Variants in NCAM2 observed in about 807,000 individuals in gnomAD.
NCAM2 encodes the protein neural cell adhesion molecule 2.
A neutral mutation model predicts 98.1 loss-of-function variants in NCAM2; 30 were observed. That is an observed-to-expected ratio of 0.31 (90% CI 0.23 to 0.41). The LOEUF is 0.41. Ranked by LOEUF, NCAM2 falls within the 10% of genes least tolerant of loss-of-function variation. The pLI is 1.00. For missense variants in NCAM2, 867 were observed against 1,005.8 expected, an observed-to-expected ratio of 0.86 and a Z score of 1.87; for synonymous variants, 368 against 342.4, an observed-to-expected ratio of 1.07 and a Z score of -0.83.
At chr21:21,095,164 A>G (rs1262663219) in intron 1 of NCAM2, among the ~76,000 whole-genome samples, 3 of 151,756 alleles carry the variant, frequency 2.0e-5, no homozygotes, top group Admixed American at 6.6e-5. Flanking sequence ...GTTCAGCTTA[A>G]TTGTTAAATA....
At chr21:21,497,384 A>C (rs760710143) in intron 15 of NCAM2, among the ~76,000 whole-genome samples, 1 of 152,206 alleles carries the variant, frequency 6.6e-6, no homozygotes, top group Admixed American at 6.6e-5. Flanking sequence ...TTTTACAATT[A>C]TAAATGCCAT....
intron 1 of NCAM2, among the ~76,000 whole-genome samples, chr21:21,279,209 C>G (rs183387305): frequency 6.6e-6 from 1 of 152,328 alleles, no homozygotes; most frequent in East Asian, 1.9e-4. Flanking sequence ...TATGGCAAAA[C>G]TTCTGGTTTA....
chr21:21,459,364 G>C (rs1216298825), intron 12 of NCAM2, among the ~76,000 whole-genome samples: 3 of 150,328 alleles, frequency 2.0e-5, no homozygotes, highest in African/African-American at 7.3e-5. Context: ...GCCAAGATTT[G>C]GAAACAACCT....
At chr21:21,290,039 G>A (rs369528219) in intron 4 of NCAM2, 36 of 152,016 alleles carry the variant, frequency 2.4e-4, no homozygotes, top group African/African-American at 7.9e-4. Flanking sequence ...AGAATGACTC[G>A]TGGAATTTGC....
chr21:21,193,092 G>A (rs1027615385), intron 1 of NCAM2, among the ~76,000 whole-genome samples: 4 of 152,054 alleles, frequency 2.6e-5, no homozygotes, highest in African/African-American at 7.2e-5. Flanking sequence ...CAAAAGCTCC[G>A]TTTATGGATT....
chr21:21,490,822 A>G (rs1052322277), intron 15 of NCAM2, among the ~76,000 whole-genome samples: 1 of 151,808 alleles, frequency 6.6e-6, no homozygotes, highest in South Asian at 2.1e-4. Context: ...GTATGCTATA[A>G]GTGTATTGTC....
At chr21:21,049,970 G>A (rs1033795520) in intron 1 of NCAM2, among the ~76,000 whole-genome samples, 7 of 152,100 alleles carry the variant, frequency 4.6e-5, no homozygotes, top group Non-Finnish European at 8.8e-5. Context: ...TGGGTTAGGA[G>A]CATTTGAAGA....
chr21:21,162,803 C>A (rs2067827288), intron 1 of NCAM2, among the ~76,000 whole-genome samples: 1 of 151,998 alleles, frequency 6.6e-6, no homozygotes, highest in African/African-American at 2.4e-5. Context: ...AACAAGTCAT[C>A]GTTATTTCTA....
At chr21:21,471,303 G>C (rs908618274) in intron 14 of NCAM2, among the ~76,000 whole-genome samples, 1 of 151,780 alleles carries the variant, frequency 6.6e-6, no homozygotes, top group Non-Finnish European at 1.5e-5. Flanking sequence ...CCTCCATCCT[G>C]TCAACATCAT....
chr21:21,082,395 C>G (rs2146412358), intron 1 of NCAM2, among the ~76,000 whole-genome samples: 2 of 151,574 alleles, frequency 1.3e-5, no homozygotes, highest in African/African-American at 4.8e-5. Context: ...TTTTGGTCAT[C>G]TTATGACCAT....
chr21:21,322,887 A>T (rs777465095), intron 5 of NCAM2, among the ~76,000 whole-genome samples: 8 of 152,182 alleles, frequency 5.3e-5, no homozygotes, highest in Non-Finnish European at 1.0e-4. Flanking sequence ...TATAACTTGA[A>T]GGTAGTCCAC....
At chr21:21,338,836 G>A (rs2074949684) in intron 8 of NCAM2, among the ~76,000 whole-genome samples, 1 of 152,118 alleles carries the variant, frequency 6.6e-6, no homozygotes, top group Non-Finnish European at 1.5e-5. Context: ...TGTTATTGCA[G>A]TTTTAACCCC....
intron 1 of NCAM2, among the ~76,000 whole-genome samples, chr21:21,052,690 A>G (rs1002989572): frequency 6.6e-6 from 1 of 152,144 alleles, no homozygotes; most frequent in African/African-American, 2.4e-5. Context: ...GTGGCCTGTA[A>G]TCCTACCAAG....
At chr21:21,450,475 G>A (rs1980867069) in intron 12 of NCAM2, among the ~76,000 whole-genome samples, 1 of 151,902 alleles carries the variant, frequency 6.6e-6, no homozygotes, top group South Asian at 2.1e-4. Context: ...CTCCTGAGTA[G>A]CTGGGACTAC....
At chr21:21,279,108 C>G (rs1196403616) in intron 1 of NCAM2, among the ~76,000 whole-genome samples, 1 of 152,128 alleles carries the variant, frequency 6.6e-6, no homozygotes, top group Non-Finnish European at 1.5e-5. Context: ...TGCCACTTAG[C>G]TGTGAGCCCT....
intron 1 of NCAM2, among the ~76,000 whole-genome samples, chr21:21,053,565 C>G (rs1157764985): frequency 1.3e-5 from 2 of 151,052 alleles, no homozygotes; most frequent in East Asian, 3.9e-4. Context: ...TTAATTTTTG[C>G]CATTTATTTA....
chr21:21,514,132 G>A (rs969368828), intron 16 of NCAM2, among the ~76,000 whole-genome samples: 2 of 150,278 alleles, frequency 1.3e-5, no homozygotes, highest in South Asian at 4.2e-4. Context: ...CCTATATATG[G>A]TATAATTAAA....
chr21:21,449,587 A>G lies in NCAM2; in HGVS notation c.1655-17019A>G, dbSNP rs914212539. Among the ~76,000 whole-genome samples the G allele has an allele frequency of 3.5e-4, 53 of 151,976 alleles. 1 individual carries two copies. Among genetic ancestry groups the G allele is most frequent in the Non-Finnish European group, 1.2e-4 (8 of 67,964 alleles). On this transcript the variant is annotated intron_variant, in intron 12 of 17. Coordinates refer to ENST00000400546, the MANE Select transcript of NCAM2 (RefSeq NM_004540.5). ...AAATATAATAACTATAAAATTTTTGAAATTATGCCAACATATACTATTGTA... is the reference window on the plus strand; with the variant it reads ...AAATATAATAACTATAAAATTTTTGGAATTATGCCAACATATACTATTGTA...
At chr21:21,335,477 G>A in intron 6 of NCAM2, 28 bp from the exon 7 acceptor site, 1 of 1,562,324 alleles carries the variant, frequency 6.4e-7, no homozygotes, top group Non-Finnish European at 8.6e-7. Flanking sequence ...CCAGATCTGT[G>A]AGGATGAACC....
Sources: allele counts gnomAD v4.1 joint callset (sites outside exome capture counted in the v4.1 genomes callset), GRCh38; gene constraint gnomAD v4.1.1; transcripts MANE v1.5; gene names NCBI Gene and HGNC (gene_info 2026-07-23, HGNC 2026-07-21).